The following ITGAX variants were observed in gnomAD, a reference collection of about 807,000 sequenced individuals.
ITGAX encodes integrin subunit alpha X, also known as integrin alpha-X.
In ITGAX, 99 loss-of-function variants were observed where a neutral mutation model predicts 140.2. That is an observed-to-expected ratio of 0.71 (90% confidence interval 0.60 to 0.83). ITGAX has a LOEUF of 0.83. ITGAX is among the 40% of genes least tolerant of loss of function. The pLI is 0.00. For synonymous variants in ITGAX, 631 were observed against 600.4 expected (o/e 1.05, Z -0.75); for missense variants, 1,444 against 1,482.0 (o/e 0.97, Z 0.42).
At chr16:31,369,230 C>G (rs933537915) in intron 14 of ITGAX, among the ~76,000 whole-genome samples, 5 of 144,960 alleles carry the variant, frequency 3.4e-5, no homozygotes, top group Non-Finnish European at 6.0e-5. Flanking sequence ...GCTGGCCGGG[C>G]GGGGGGCTGA....
In ITGAX at chr16:31,355,917, A is replaced by G. The variant is rs767516492; in HGVS notation, c.62A>G (p.Asn21Ser). ...FTALATSLGFNLDTEELTAFR... is the reference protein window; with the variant it reads ...FTALATSLGFSLDTEELTAFR... The stretch of plus-strand genomic sequence containing the variant: ...GCCTTAGCAACTTCTCTAGGTTTCA[A>G]CTTGGACACAGAGGAGCTGACAGCC... Residue 21 changes from asparagine (N) to serine (S), a missense_variant, in exon 2 of 30, where the codon AAC becomes AGC. By Grantham distance (46) the Asn-to-Ser change is conservative (BLOSUM62 1). Transcript: ENST00000268296. 6.8e-6 allele frequency: 11 copies of G among 1,613,578 alleles called. No individual in the cohort carries two copies. Among genetic ancestry groups the G allele is most frequent in the African/African-American group, 2.7e-5 (2 of 74,904 alleles).
intron 23 of ITGAX, among the ~76,000 whole-genome samples, chr16:31,378,700 GCCTCAAGTGATCCTCCCA>G (rs2081041367): frequency 6.6e-6 from 1 of 152,008 alleles, no homozygotes; most frequent in South Asian, 2.1e-4. Context: ...TTGAATCCTG[GCCTCAAGTGATCCTCCCA>G]CCTCAACCTC....
In ITGAX at chr16:31,380,304, C is replaced by G. The variant is rs778637008; in HGVS notation, c.3099C>G (p.Asp1033Glu). 6.2e-7 allele frequency: 1 copy of G among 1,614,104 alleles called. No individual in the cohort carries two copies. The highest frequency in any genetic ancestry group is 1.3e-5 in the African/African-American group (1 of 74,940). Residue 1033 changes from aspartate (D) to glutamate (E), a missense_variant, in exon 27 of 30, where the codon GAC becomes GAG. Coordinates refer to ENST00000268296, the MANE Select transcript of ITGAX (RefSeq NM_000887.5). Reference protein sequence around the residue: ...SIAGCLRFRCDVPSFSVQEEL... With the variant: ...SIAGCLRFRCEVPSFSVQEEL... ...CTGGCTGCCTGCGGTTCCGCTGTGA[C>G]GTCCCCTCCTTCAGCGTCCAGGAGG...
intron 14 of ITGAX, among the ~76,000 whole-genome samples, chr16:31,364,248 C>T (rs2080868324): frequency 6.6e-6 from 1 of 151,506 alleles, no homozygotes; most frequent in Non-Finnish European, 1.5e-5. Flanking sequence ...CATAGGGAGA[C>T]CCCATCTCTA....
rs758911870 is a variant in ITGAX at position 31,377,022 on chromosome 16, A to G, written c.2648A>G (p.Asp883Gly). Residue 883 changes from aspartate to glycine, a missense_variant, in exon 22 of 30, where the codon GAC becomes GGC. Asp to Gly is a moderately conservative substitution (Grantham distance 94, BLOSUM62 -1). Coordinates refer to ENST00000268296, the MANE Select transcript of ITGAX (RefSeq NM_000887.5). ...GAQITFLATF[D>G]VSPKAVLGDR... Reference sequence around the variant, plus strand: ...CAGATCACCTTCTTGGCTACCTTTGACGTCTCCCCCAAGGCTGTCCTGGGA... The same window carrying G: ...CAGATCACCTTCTTGGCTACCTTTGGCGTCTCCCCCAAGGCTGTCCTGGGA... 298 of 1,613,796 alleles carry G rather than the reference A, an allele frequency of 1.8e-4. No homozygotes were observed. Among genetic ancestry groups the G allele is most frequent in the Non-Finnish European group, 2.4e-4 (280 of 1,179,978 alleles).
intron 19 of ITGAX, 145 bp from the exon 20 acceptor site, chr16:31,373,100 AAAAG>A (rs1384920471): frequency 1.7e-4 from 117 of 692,798 alleles, no homozygotes; most frequent in East Asian, 1.1e-3. Flanking sequence ...CTCTTAAAAA[AAAAG>A]AAGAAGAAGA....
At chr16:31,377,127 A>T in intron 22 of ITGAX, 48 bp downstream of exon 22, 1 of 1,610,818 alleles carries the variant, frequency 6.2e-7, no homozygotes. Context: ...CCAGCCTCAC[A>T]CCCCATTCTC....
At chr16:31,373,486 C>T in intron 20 of ITGAX, 96 bp downstream of exon 20, 1 of 1,295,298 alleles carries the variant, frequency 7.7e-7, no homozygotes, top group Non-Finnish European at 1.0e-6. Flanking sequence ...GGTGGTAGTG[C>T]CATCTGGGGC....
chr16:31,372,235 G>C, intron 17 of ITGAX, 143 bp from the exon 18 acceptor site: 1 of 908,410 alleles, frequency 1.1e-6, no homozygotes, highest in Non-Finnish European at 1.6e-6. Flanking sequence ...GAGGCCTCCT[G>C]AAGGCGGTGA....
rs371693236 is a variant in ITGAX at position 31,362,118 on chromosome 16, G to C, written c.1130G>C (p.Gly377Ala). ...LGAVGSFTWS[G>A]GAFLYPPNMS... ...GCTGTGGGGAGCTTCACCTGGTCTG[G>C]AGGTGCCTTCCTGTACCCCCCAAAT... is the stretch of plus-strand genomic sequence containing the variant. The change falls in exon 11 of 30, where the codon GGA becomes GCA. Residue 377 changes from glycine (G) to alanine (A), a missense_variant. By Grantham distance (60) the Gly-to-Ala change is moderately conservative. Transcript: ENST00000268296. The C allele has an allele frequency of 6.2e-7, 1 of 1,614,028 alleles. No homozygotes were observed. Among genetic ancestry groups the C allele is most frequent in the Non-Finnish European group, 8.5e-7 (1 of 1,180,028 alleles).
At chr16:31,371,524 A>C (rs752924072) in intron 16 of ITGAX, 27 bp downstream of exon 16, 18 of 1,611,964 alleles carry the variant, frequency 1.1e-5, no homozygotes, top group Non-Finnish European at 1.4e-5. Context: ...CCAACCCAGG[A>C]CACCCTGACC....
intron 14 of ITGAX, among the ~76,000 whole-genome samples, chr16:31,367,586 T>C (rs964615847): frequency 9.2e-5 from 14 of 152,204 alleles, no homozygotes; most frequent in African/African-American, 3.1e-4. Flanking sequence ...ATAGCATGCT[T>C]GACTGAGTGT....
chr16:31,363,225 T>G lies in ITGAX; in HGVS notation c.1561T>G (p.Phe521Val), dbSNP rs941045670. The G allele has an allele frequency of 1.2e-6, 2 of 1,613,316 alleles. No individual in the cohort carries two copies. Among genetic ancestry groups the G allele is most frequent in the Non-Finnish European group, 1.7e-6 (2 of 1,179,702 alleles). Reference sequence around the variant, plus strand: ...GGAGCAGGGCCACCCCTGGGGTCGCTTTGGGGCGGCTCTGACAGTGCTGGG... The same window carrying G: ...GGAGCAGGGCCACCCCTGGGGTCGCGTTGGGGCGGCTCTGACAGTGCTGGG... ...YGEQGHPWGRFGAALTVLGDV... is the reference protein window; with the variant it reads ...YGEQGHPWGRVGAALTVLGDV... Residue 521 changes from phenylalanine to valine, a missense_variant, in exon 14 of 30, where the codon TTT (phenylalanine) becomes GTT (valine). Phe to Val is a conservative substitution (Grantham distance 50, BLOSUM62 -1). Transcript: ENST00000268296.
rs1370983283 is a variant in ITGAX, at chr16:31,380,971, G to T, written c.3351G>T (p.Leu1117=). The stretch of plus-strand genomic sequence containing the variant: ...TCGTAGGCAGCTCCATTGGGGGTCT[G>T]TTGCTGCTGGCACTCATCACAGCGG... ...PLIVGSSIGG[L]LLLALITAVL... is the part of the protein sequence containing the mutation. Residue 1117 remains leucine (L), a synonymous_variant, in exon 29 of 30, where the codon CTG becomes CTT. Transcript: ENST00000268296. 6.2e-7 allele frequency: 1 copy of T among 1,614,162 alleles called. No individual in the cohort carries two copies. The highest frequency in any genetic ancestry group is 2.2e-5 in the East Asian group (1 of 44,888).
chr16:31,373,069 G>A (rs2080986335), intron 19 of ITGAX, among the ~76,000 whole-genome samples, 180 bp from the exon 20 acceptor site: 1 of 150,802 alleles, frequency 6.6e-6, no homozygotes, highest in Non-Finnish European at 1.5e-5. Flanking sequence ...CTCCAGCCTG[G>A]GTGAAAGAGC....
At chr16:31,357,521 A>G (rs1160672551) in intron 5 of ITGAX, 157 bp downstream of exon 5, 10 of 594,106 alleles carry the variant, frequency 1.7e-5, no homozygotes, top group Admixed American at 9.1e-5. Context: ...CTGCCCGCAC[A>G]TCCTGCCGAT....
At chr16:31,371,890 C>T (rs1174961549) in intron 17 of ITGAX, 106 bp downstream of exon 17, 3 of 1,334,918 alleles carry the variant, frequency 2.2e-6, no homozygotes, top group African/African-American at 2.9e-5. Context: ...CAGCCCAGCA[C>T]AGGACCAGCC....
intron 10 of ITGAX, 22 bp downstream of exon 10, chr16:31,361,931 G>A (rs2080831033): frequency 6.2e-6 from 10 of 1,613,588 alleles, no homozygotes; most frequent in South Asian, 2.2e-5. Context: ...CCCTTAGGCC[G>A]ATGATGTGCC....
chr16:31,375,392 C>T (rs1015457690), intron 20 of ITGAX, among the ~76,000 whole-genome samples: 3 of 152,232 alleles, frequency 2.0e-5, no homozygotes, highest in Non-Finnish European at 2.9e-5. Context: ...CTTGCACATG[C>T]AGCACAAAGG....
Sources: allele counts gnomAD v4.1 joint callset (sites outside exome capture counted in the v4.1 genomes callset), GRCh38; gene constraint gnomAD v4.1.1; transcripts MANE v1.5; gene names NCBI Gene and HGNC (gene_info 2026-07-23, HGNC 2026-07-21).